DAB1: variants seen among roughly 807,000 people sequenced by gnomAD.
DAB1 encodes DAB adaptor protein 1.
DAB1 carries 15 observed loss-of-function variants against 64.6 expected under a neutral mutation model. That is an observed-to-expected ratio of 0.23 (90% confidence interval 0.16 to 0.36). DAB1 has a LOEUF of 0.36. Among genes scored for constraint, DAB1 ranks in the 10% least tolerant of loss-of-function variants. The pLI is 1.00. For synonymous variants in DAB1, 235 were observed against 251.9 expected (o/e 0.93, Z 0.64); for missense variants, 596 against 706.7 (o/e 0.84, Z 1.78).
At chr1:57,488,160 T>C (rs1420410892) in intron 7 of DAB1, among the ~76,000 whole-genome samples, 1 of 152,000 alleles carries the variant, frequency 6.6e-6, no homozygotes, top group African/African-American at 2.4e-5. Flanking sequence ...TCCAAGAACT[T>C]TGGGAGGCCA....
chr1:57,757,920 G>A (rs1212578311), intron 6 of DAB1, among the ~76,000 whole-genome samples: 1 of 151,928 alleles, frequency 6.6e-6, no homozygotes, highest in South Asian at 2.1e-4. Context: ...AGGCTCAATC[G>A]ATCCTTCTGC....
intron 1 of DAB1, among the ~76,000 whole-genome samples, chr1:57,329,724 T>C (rs1004515837): frequency 1.1e-4 from 17 of 150,248 alleles, no homozygotes. Flanking sequence ...TACACCTCTA[T>C]ATTTGCAAGT....
intron 4 of DAB1, among the ~76,000 whole-genome samples, chr1:58,291,380 T>C (rs1374925062): frequency 3.9e-5 from 6 of 152,208 alleles, no homozygotes; most frequent in African/African-American, 1.4e-4. Context: ...TGGCCTCATG[T>C]TTCTTCCTTC....
intron 1 of DAB1, among the ~76,000 whole-genome samples, chr1:58,531,544 A>G (rs1434528745): frequency 6.6e-6 from 1 of 152,242 alleles, no homozygotes; most frequent in Non-Finnish European, 1.5e-5. Flanking sequence ...CTGATAAAAT[A>G]GCAGTCATTA....
chr1:57,136,498 G>C, intron 4 of DAB1, 45 bp downstream of exon 4: 1 of 1,184,182 alleles, frequency 8.4e-7, no homozygotes, highest in Middle Eastern at 2.1e-4. Context: ...GGGTACATCT[G>C]TCAATGGATA....
chr1:57,408,370 G>A (rs1158879719), intron 1 of DAB1, among the ~76,000 whole-genome samples: 4 of 152,102 alleles, frequency 2.6e-5, no homozygotes, highest in East Asian at 1.9e-4. Context: ...GTGACACCCC[G>A]TAATGTAACT....
At chr1:57,764,056 C>T (rs747446199) in intron 6 of DAB1, among the ~76,000 whole-genome samples, 6 of 152,174 alleles carry the variant, frequency 3.9e-5, no homozygotes, top group Non-Finnish European at 8.8e-5. Flanking sequence ...TTCTCCTTTT[C>T]ATTCAGAAGC....
intron 9 of DAB1, among the ~76,000 whole-genome samples, chr1:57,036,887 A>G (rs1202681685): frequency 1.3e-5 from 2 of 152,206 alleles, no homozygotes; most frequent in African/African-American, 4.8e-5. Context: ...TTACTGAGTA[A>G]GGCAACAAGG....
intron 3 of DAB1, among the ~76,000 whole-genome samples, chr1:58,479,773 CAGAT>C (rs576084149): frequency 7.6e-4 from 116 of 152,180 alleles, no homozygotes; most frequent in African/African-American, 2.7e-3. Context: ...GATTTGTAGT[CAGAT>C]AGACTCAGCT....
intron 4 of DAB1, among the ~76,000 whole-genome samples, chr1:58,177,291 G>C (rs150441014): frequency 1.0e-3 from 158 of 152,226 alleles, no homozygotes; most frequent in African/African-American, 3.7e-3. Flanking sequence ...TATAACTTTT[G>C]TGTGTCCAGT....
intron 3 of DAB1, among the ~76,000 whole-genome samples, chr1:58,490,226 C>A (rs1025199716): frequency 6.6e-6 from 1 of 152,108 alleles, no homozygotes; most frequent in Non-Finnish European, 1.5e-5. Flanking sequence ...ACTAGAATAA[C>A]CAATGCAGAG....
intron 6 of DAB1, among the ~76,000 whole-genome samples, chr1:57,694,182 GT>G (rs1646796944): frequency 6.6e-6 from 1 of 152,190 alleles, no homozygotes; most frequent in African/African-American, 2.4e-5. Flanking sequence ...TAACTTTTAA[GT>G]TTTGAAATAA....
chr1:57,372,917 C>T (rs1680611808), intron 1 of DAB1, among the ~76,000 whole-genome samples: 1 of 152,004 alleles, frequency 6.6e-6, no homozygotes, highest in Admixed American at 6.6e-5. Flanking sequence ...TGGCTCATGC[C>T]TATAATCCCA....
At chr1:57,342,868 C>T (rs1290166341) in intron 1 of DAB1, among the ~76,000 whole-genome samples, 1 of 152,160 alleles carries the variant, frequency 6.6e-6, no homozygotes. Flanking sequence ...AGGAGTGAAG[C>T]TGCAGACCTT....
chr1:57,795,866 T>A (rs1650834799), intron 6 of DAB1, among the ~76,000 whole-genome samples: 1 of 151,366 alleles, frequency 6.6e-6, no homozygotes, highest in African/African-American at 2.4e-5. Context: ...CCTCAGTTTT[T>A]TAGTCAGTAT....
intron 5 of DAB1, among the ~76,000 whole-genome samples, chr1:57,987,959 G>A (rs755407954): frequency 1.3e-5 from 2 of 152,062 alleles, no homozygotes; most frequent in Non-Finnish European, 2.9e-5. Flanking sequence ...CTGGTGGGCA[G>A]GATTCACTCG....
intron 4 of DAB1, among the ~76,000 whole-genome samples, chr1:58,264,827 T>G (rs1395455664): frequency 6.6e-6 from 1 of 152,230 alleles, no homozygotes. Context: ...CCACCTCTAT[T>G]CTAATTCTAT....
chr1:58,225,433 A>G (rs1355297854), intron 4 of DAB1, among the ~76,000 whole-genome samples: 1 of 151,706 alleles, frequency 6.6e-6, no homozygotes, highest in Non-Finnish European at 1.5e-5. Flanking sequence ...AACTAGAAAT[A>G]CCATTTGACC....
chr1:58,422,339 C>T (rs1644780429), intron 3 of DAB1, among the ~76,000 whole-genome samples: 1 of 151,948 alleles, frequency 6.6e-6, no homozygotes. Flanking sequence ...TTTTATTTAA[C>T]ATCCAGCTGC....
Sources: allele counts gnomAD v4.1 joint callset (sites outside exome capture counted in the v4.1 genomes callset), GRCh38; gene constraint gnomAD v4.1.1; transcripts MANE v1.5; gene names NCBI Gene and HGNC (gene_info 2026-07-23, HGNC 2026-07-21).